WASHC5: variants seen among roughly 807,000 people sequenced by gnomAD.
WASHC5 encodes the protein WASH complex subunit 5, also known as WASH complex subunit strumpellin.
WASHC5 carries 101 observed loss-of-function variants against 150.4 expected under a neutral mutation model. The observed-to-expected ratio is 0.67, with a 90% confidence interval of 0.57 to 0.79. The LOEUF (loss-of-function observed/expected upper bound fraction) is 0.79. Ranked by LOEUF, WASHC5 falls within the 30% of genes least tolerant of loss-of-function variation. WASHC5 has a pLI of 0.00. For missense variants in WASHC5, 1,195 were observed against 1,396.3 expected, an observed-to-expected ratio of 0.86 and a Z score of 2.30; for synonymous variants, 467 against 491.2, an observed-to-expected ratio of 0.95 and a Z score of 0.65.
chr8:125,025,968 A>C (rs552033766), intron 28 of WASHC5, among the ~76,000 whole-genome samples: 2 of 152,180 alleles, frequency 1.3e-5, no homozygotes, highest in Non-Finnish European at 2.9e-5. Context: ...TATATCCAGC[A>C]GGTAAAATTC....
Position 125,044,105 on chromosome 8 carries a change from G to T in WASHC5, c.2668-11C>A. The T allele has an allele frequency of 6.5e-7, 1 of 1,541,496 alleles. No homozygotes were observed. Among genetic ancestry groups the T allele is most frequent in the Non-Finnish European group, 9.0e-7 (1 of 1,114,192 alleles). ...CATACTGAGGAAATTCTAAAAACAAGAAGGCACGGTCAAAGAACCAAACAT... is the reference window on the plus strand; with the variant it reads ...CATACTGAGGAAATTCTAAAAACAATAAGGCACGGTCAAAGAACCAAACAT... On this transcript the variant is annotated splice_polypyrimidine_tract_variant and intron_variant, in intron 21 of 28. Coordinates refer to ENST00000318410, the MANE Select transcript of WASHC5 (RefSeq NM_014846.4).
At position 125,085,096 on chromosome 8, in the gene WASHC5, T is replaced by G. The variant is rs77207499; in HGVS notation, c.-124-1074A>C. ...TAAATAATACTAGGGTTACAAGAGG[T>G]GATGTCTGTCCTCTCTAGCTGCCTG... On this transcript the variant is annotated intron_variant, in intron 1 of 28. Coordinates refer to ENST00000318410, the MANE Select transcript of WASHC5 (RefSeq NM_014846.4). Among the ~76,000 whole-genome samples, 334 of 152,232 alleles carry G rather than the reference T, an allele frequency of 2.2e-3. 1 individual carries two copies. Among genetic ancestry groups the G allele is most frequent in the African/African-American group, 7.6e-3 (315 of 41,526 alleles).
intron 9 of WASHC5, 39 bp downstream of exon 9, chr8:125,073,114 T>C: frequency 6.2e-7 from 1 of 1,601,926 alleles, no homozygotes; most frequent in Non-Finnish European, 8.6e-7. Flanking sequence ...AGAGTCTTTA[T>C]GTGGAGTAAT....
intron 17 of WASHC5, among the ~76,000 whole-genome samples, chr8:125,053,422 T>C (rs1160914382): frequency 1.3e-5 from 2 of 152,186 alleles, no homozygotes; most frequent in Non-Finnish European, 2.9e-5. Context: ...AAAATTCTTT[T>C]GATAATTATT....
At chr8:125,049,838 CTCAA>C (rs1816187118) in intron 18 of WASHC5, among the ~76,000 whole-genome samples, 1 of 152,028 alleles carries the variant, frequency 6.6e-6, no homozygotes, top group Admixed American at 6.6e-5. Flanking sequence ...AAGACTTTGT[CTCAA>C]TCAATCAATC....
chr8:125,088,437 G>A (rs1817487865), intron 1 of WASHC5, among the ~76,000 whole-genome samples: 2 of 138,350 alleles, frequency 1.4e-5, no homozygotes, highest in Non-Finnish European at 3.0e-5. Flanking sequence ...AAAAAAAAAA[G>A]GGGGAGGGGG....
At chr8:125,025,545 G>A (rs1368171789) in intron 28 of WASHC5, among the ~76,000 whole-genome samples, 1 of 151,980 alleles carries the variant, frequency 6.6e-6, no homozygotes, top group Non-Finnish European at 1.5e-5. Context: ...AAAATCAGCA[G>A]GGCGTGGTGG....
chr8:125,063,217 C>T (rs1816653985), intron 11 of WASHC5, among the ~76,000 whole-genome samples: 1 of 152,160 alleles, frequency 6.6e-6, no homozygotes, highest in South Asian at 2.1e-4. Context: ...TGGAGGCCAA[C>T]TGTGACTCTC....
chr8:125,024,515 T>C lies in WASHC5; in HGVS notation c.*102A>G. 1 of 846,284 alleles carries C rather than the reference T, an allele frequency of 1.2e-6. No individual in the cohort carries two copies. Among genetic ancestry groups the C allele is most frequent in the Non-Finnish European group, 2.1e-6 (1 of 486,014 alleles). 52.4% of individuals were successfully genotyped at this position (846,284 alleles called of 1,614,324 possible). ...TGTTTCCCATAATAGACAGAAAAAA[T>C]GCAGTTGTATGAGCAACTGAGTTTC... On this transcript the variant is annotated 3_prime_UTR_variant, in exon 29 of 29. Coordinates refer to ENST00000318410, the MANE Select transcript of WASHC5 (RefSeq NM_014846.4).
rs766885418 is a variant in WASHC5, at chr8:125,059,371, A to G, written c.1688+5T>C. On this transcript the variant is annotated splice_donor_5th_base_variant and intron_variant, in intron 13 of 28. Transcript: ENST00000318410. ...CTACAGCAAATGTCAGGCTGCCTACATTACCTGTCAATCAACTGCCAAGCG... is the reference window on the plus strand; with the variant it reads ...CTACAGCAAATGTCAGGCTGCCTACGTTACCTGTCAATCAACTGCCAAGCG... The G allele has an allele frequency of 3.7e-6, 6 of 1,614,048 alleles. No homozygotes were observed. In the East Asian group the frequency reaches 1.3e-4, roughly 36 times the overall value.
intron 19 of WASHC5, 83 bp downstream of exon 19, chr8:125,048,923 T>C: frequency 1.7e-6 from 2 of 1,149,492 alleles, no homozygotes; most frequent in Non-Finnish European, 2.4e-6. Flanking sequence ...AACTTTCTTG[T>C]TGACATTTCT....
intron 17 of WASHC5, among the ~76,000 whole-genome samples, chr8:125,054,589 T>C (rs1286183027): frequency 6.6e-6 from 1 of 151,904 alleles, no homozygotes; most frequent in East Asian, 1.9e-4. Flanking sequence ...ATCCCAGCAC[T>C]TTGGGAGGCC....
Position 125,067,467 on chromosome 8 carries a change from T to A in WASHC5, c.1278+125A>T, listed in dbSNP as rs1586371415. On this transcript the variant is annotated intron_variant, in intron 10 of 28. Coordinates refer to ENST00000318410, the MANE Select transcript of WASHC5 (RefSeq NM_014846.4). ...TCCTGTCCTTTAACTATAAGAACTA[T>A]CTCAACAGCTCAAATCTGTACCTTG... is the stretch of plus-strand genomic sequence containing the variant. The A allele has an allele frequency of 1.5e-5, 12 of 819,644 alleles. No homozygotes were observed. In the East Asian group the frequency reaches 3.4e-4, roughly 23 times the overall value. The allele number at this position is 819,644 out of a possible 1,614,324, so 50.8% of individuals were successfully genotyped here.
At chr8:125,085,489 G>A (rs574350070) in intron 1 of WASHC5, among the ~76,000 whole-genome samples, 139 of 152,318 alleles carry the variant, frequency 9.1e-4, no homozygotes, top group African/African-American at 3.3e-3. Context: ...AGAACAGAGA[G>A]AGAAGCGGAG....
At position 125,025,833 on chromosome 8, in the gene WASHC5, G is replaced by GACACACACACACACACACACACAC. The variant is rs34050035; in HGVS notation, c.3424-1184_3424-1161dup. 9.3e-3 allele frequency among the ~76,000 whole-genome samples: 1,371 copies of GACACACACACACACACACACACAC among 148,090 alleles called. 22 individuals carry two copies. The highest frequency in any genetic ancestry group is 0.029 in the African/African-American group (1,163 of 39,922). Reference sequence around the variant, plus strand: ...TCCAGTTTACTTACATATGCAGACAGACACACACACACACACACACACACA... The same window carrying GACACACACACACACACACACACAC: ...TCCAGTTTACTTACATATGCAGACAGACACACACACACACACACACACACACACACACACACACACACACACACA... On this transcript the variant is annotated intron_variant, in intron 28 of 28. Transcript: ENST00000318410.
At chr8:125,030,454 TTAAC>T (rs1250681869) in intron 27 of WASHC5, among the ~76,000 whole-genome samples, 4 of 152,126 alleles carry the variant, frequency 2.6e-5, no homozygotes, top group Middle Eastern at 3.4e-3. Flanking sequence ...GTTCGATTCA[TTAAC>T]TAAGAGGAGG....
chr8:125,040,045 T>C (rs923543943), intron 23 of WASHC5, 147 bp from the exon 24 acceptor site: 1 of 691,768 alleles, frequency 1.4e-6, no homozygotes, highest in Admixed American at 2.0e-5. Flanking sequence ...ACTGATCTCT[T>C]GGCTAAGACC....
intron 25 of WASHC5, among the ~76,000 whole-genome samples, chr8:125,037,751 G>A (rs937269182): frequency 4.0e-5 from 6 of 151,880 alleles, no homozygotes; most frequent in Non-Finnish European, 5.9e-5. Context: ...GAGGAGGAGG[G>A]AGAGTGAAGG....
intron 1 of WASHC5, among the ~76,000 whole-genome samples, chr8:125,085,650 AAC>A (rs763039302): frequency 8.5e-5 from 13 of 152,232 alleles, no homozygotes; most frequent in Non-Finnish European, 1.8e-4. Context: ...CATCTTCTGT[AAC>A]ACAGAGACTC....
Sources: allele counts gnomAD v4.1 joint callset (sites outside exome capture counted in the v4.1 genomes callset), GRCh38; gene constraint gnomAD v4.1.1; transcripts MANE v1.5; gene names NCBI Gene and HGNC (gene_info 2026-07-23, HGNC 2026-07-21).